ZNF396: variants seen among roughly 807,000 people sequenced by gnomAD.
The protein encoded by ZNF396 is zinc finger and SCAN domain-containing protein 14.
In ZNF396, 14 loss-of-function variants were observed where a neutral mutation model predicts 20.5. That is an observed-to-expected ratio of 0.68 (90% CI 0.45 to 1.07). The LOEUF (loss-of-function observed/expected upper bound fraction) is 1.07. Among genes scored for constraint, ZNF396 ranks in the 50% least tolerant of loss-of-function variants. The pLI is 0.00. For synonymous variants in ZNF396, 119 were observed against 140.6 expected (o/e 0.85, Z 1.08); for missense variants, 347 against 390.1 (o/e 0.89, Z 0.93).
chr18:35,373,495 G>A lies in ZNF396; in HGVS notation c.523C>T (p.Gln175Ter), dbSNP rs1271183142. 6.2e-7 allele frequency: 1 copy of A among 1,614,112 alleles called. No homozygotes were observed. Among genetic ancestry groups the A allele is most frequent in the Non-Finnish European group, 8.5e-7 (1 of 1,180,022 alleles). Residue 175 changes from glutamine to a stop codon, truncating the protein, a stop_gained, in exon 3 of 4, where the codon CAG (glutamine) becomes TAG (stop). Transcript: ENST00000589332. LOFTEE classifies it low-confidence loss of function (END_TRUNC). ...SQLMPVKKQLQGASWELQSLR... is the reference protein window; with the variant it reads ...SQLMPVKKQL ...GACTGAAGCTCCCATGATGCTCCCT[G>A]GAGCTGCTTCTTCACGGGCATGAGC...
At chr18:35,376,543 C>G (rs1018256929) in intron 1 of ZNF396, among the ~76,000 whole-genome samples, 4 of 152,154 alleles carry the variant, frequency 2.6e-5, no homozygotes, top group African/African-American at 9.7e-5. Context: ...GTGGTGACCC[C>G]TGCGCGTTGT....
chr18:35,369,423 A>G lies in ZNF396; in HGVS notation c.800T>C (p.Ile267Thr). ...GKIFSQSSAL[I>T]LHQRIHSGKK... ...TCCACTGTGGATTCTCTGATGTAAA[A>G]TAAGGGCTGAGCTCTGACTAAAGAT... The change falls in exon 4 of 4, where the codon ATT becomes ACT. Residue 267 changes from isoleucine to threonine, a missense_variant. Coordinates refer to ENST00000589332, the MANE Select transcript of ZNF396 (RefSeq NM_001322286.2). The G allele has an allele frequency of 6.2e-7, 1 of 1,614,248 alleles. No individual in the cohort carries two copies. The highest frequency in any genetic ancestry group is 8.5e-7 in the Non-Finnish European group (1 of 1,180,046).
At chr18:35,370,446 GC>G (rs2045158200) in intron 3 of ZNF396, among the ~76,000 whole-genome samples, 1 of 150,536 alleles carries the variant, frequency 6.6e-6, no homozygotes, top group Non-Finnish European at 1.5e-5. Context: ...ATGTGAAAAT[GC>G]CAGTGTAATG....
At chr18:35,376,959 C>T (rs981014414) in intron 1 of ZNF396, among the ~76,000 whole-genome samples, 6 of 152,096 alleles carry the variant, frequency 3.9e-5, no homozygotes, top group African/African-American at 2.4e-5. Flanking sequence ...TCCCGACCTC[C>T]CGCGCCCACC....
At chr18:35,373,229 C>G in intron 3 of ZNF396, 1 of 525,532 alleles carries the variant, frequency 1.9e-6, no homozygotes, top group Non-Finnish European at 3.1e-6. Context: ...AACCCTGATG[C>G]AGATGTCAGG....
Position 35,374,629 on chromosome 18 carries a change from TG to T in ZNF396, c.-72-266del, listed in dbSNP as rs1215664905. On this transcript the variant is annotated intron_variant, in intron 1 of 3. Coordinates refer to ENST00000589332, the MANE Select transcript of ZNF396 (RefSeq NM_001322286.2). The surrounding 1 kb of genome is among the most constrained non-coding windows in gnomAD (Gnocchi z 4.3). ...CTCATGCTTCAGCGTCCTAAGTAGC[TG>T]GGACTACAGGTACCCGCCACCACGC... 1 of 182,248 alleles carries T rather than the reference TG, an allele frequency of 5.5e-6. No homozygotes were observed. Among genetic ancestry groups the T allele is most frequent in the Non-Finnish European group, 1.2e-5 (1 of 84,784 alleles). 11.3% of individuals were successfully genotyped at this position (182,248 alleles called of 1,614,324 possible). A position where few individuals can be genotyped will look rare whatever the true frequency, so the allele number is the denominator to read the frequency against.
intron 2 of ZNF396, 81 bp from the exon 3 acceptor site, chr18:35,373,681 A>G (rs1463576846): frequency 1.3e-6 from 2 of 1,553,374 alleles, no homozygotes; most frequent in Non-Finnish European, 1.7e-6. Flanking sequence ...AAACTATGCA[A>G]AAAGTATCAT....
At chr18:35,376,054 T>C (rs2143918375) in intron 1 of ZNF396, 1 of 152,326 alleles carries the variant, frequency 6.6e-6, no homozygotes, top group East Asian at 1.9e-4. Flanking sequence ...AATCATATTT[T>C]TTAAATTGGG....
Position 35,368,482 on chromosome 18 carries a change from T to TTTTTTTTATTTATTTA in ZNF396, c.*732_*733insTAAATAAATAAAAAAA, listed in dbSNP as rs1555630344. 1.9e-4 allele frequency: 66 copies of TTTTTTTTATTTATTTA among 339,162 alleles called. No homozygotes were observed. Among genetic ancestry groups the TTTTTTTTATTTATTTA allele is most frequent in the East Asian group, 6.7e-4 (11 of 16,462 alleles). The allele number at this position is 339,162 out of a possible 1,614,324, so 21.0% of individuals were successfully genotyped here. A position where few individuals can be genotyped will look rare whatever the true frequency, so the allele number is the denominator to read the frequency against. On this transcript the variant is annotated 3_prime_UTR_variant, in exon 4 of 4. Coordinates refer to ENST00000589332, the MANE Select transcript of ZNF396 (RefSeq NM_001322286.2). ...AGACAAAATAGGAATTTATTTTTAT[T>TTTTTTTTATTTATTTA]TTTATTTATTTATTTATTTATTTAT...
intron 1 of ZNF396, among the ~76,000 whole-genome samples, chr18:35,375,066 G>A (rs2045238021): frequency 6.6e-6 from 1 of 152,040 alleles, no homozygotes; most frequent in South Asian, 2.1e-4. Flanking sequence ...AGTCTCATGA[G>A]GGAAGCACTT....
chr18:35,373,948 A>G lies in ZNF396; in HGVS notation c.345T>C (p.His115=), dbSNP rs745342325. Residue 115 remains histidine, a synonymous_variant, in exon 2 of 4, where the codon CAT becomes CAC. Transcript: ENST00000589332. ...PKELQAWVQK[H]HPENGEETVT... ...CAGTTTCCTCTCCATTCTCTGGATG[A>G]TGCTTCTGCACCCAGGCCTGAAGCT... is the stretch of plus-strand genomic sequence containing the variant. 1 of 1,614,190 alleles carries G rather than the reference A, an allele frequency of 6.2e-7. No homozygotes were observed. Among genetic ancestry groups the G allele is most frequent in the Non-Finnish European group, 8.5e-7 (1 of 1,180,028 alleles).
rs781422348 is a variant in ZNF396, at chr18:35,369,676, A to C, written c.563-16T>G. ...ATGTCTTCATCTGAAATGGAAAAAC[A>C]AATGTCACCAGGAAAGAGAAAGGAT... On this transcript the variant is annotated splice_polypyrimidine_tract_variant and intron_variant, in intron 3 of 3. Transcript: ENST00000589332. 5 of 1,574,144 alleles carry C rather than the reference A, an allele frequency of 3.2e-6. No homozygotes were observed. The highest frequency in any genetic ancestry group is 1.7e-6 in the Non-Finnish European group (2 of 1,165,270).
intron 3 of ZNF396, among the ~76,000 whole-genome samples, 163 bp from the exon 4 acceptor site, chr18:35,369,823 A>G (rs113504542): frequency 1.3e-5 from 2 of 152,266 alleles, no homozygotes; most frequent in Non-Finnish European, 1.5e-5. Context: ...AAAGGTTTAC[A>G]TACTGAGGAG....
rs756563804 is a variant in ZNF396, at chr18:35,374,417, T to C, written c.-72-53A>G. 19 of 936,698 alleles carry C rather than the reference T, an allele frequency of 2.0e-5. No homozygotes were observed. Among genetic ancestry groups the C allele is most frequent in the Non-Finnish European group, 3.0e-5 (19 of 636,294 alleles). The allele number at this position is 936,698 out of a possible 1,614,324, so 58.0% of individuals were successfully genotyped here. On this transcript the variant is annotated intron_variant, in intron 1 of 3. Transcript: ENST00000589332. The surrounding 1 kb of genome is among the most constrained non-coding windows in gnomAD (Gnocchi z 4.3). ...AAAGAAGACAAAAGACAAATGCTTCTTAGAACAAAACAACTAAGATTAGAA... is the reference window on the plus strand; with the variant it reads ...AAAGAAGACAAAAGACAAATGCTTCCTAGAACAAAACAACTAAGATTAGAA...
At position 35,373,492 on chromosome 18, in the gene ZNF396, C is replaced by A; in HGVS notation, c.526G>T (p.Gly176Ter). 6.2e-7 allele frequency: 1 copy of A among 1,614,086 alleles called. No individual in the cohort carries two copies. Among genetic ancestry groups the A allele is most frequent in the South Asian group, 1.1e-5 (1 of 91,066 alleles). ...QLMPVKKQLQ[G>*]ASWELQSLRP... ...AAGGACTGAAGCTCCCATGATGCTC[C>A]CTGGAGCTGCTTCTTCACGGGCATG... The change falls in exon 3 of 4, where the codon GGA becomes TGA. Residue 176 changes from glycine (G) to a stop codon, truncating the protein, a stop_gained. Transcript: ENST00000589332. LOFTEE classifies it low-confidence loss of function (END_TRUNC).
At position 35,369,612 on chromosome 18, in the gene ZNF396, G is replaced by A. The variant is rs2045145520; in HGVS notation, c.611C>T (p.Thr204Ile). 1.2e-6 allele frequency: 2 copies of A among 1,609,986 alleles called. No homozygotes were observed. The highest frequency in any genetic ancestry group is 2.7e-5 in the African/African-American group (2 of 74,584). ...GCAATGCAGTTCTATGCCTAAAGAA[G>A]TCTTTTGCCTTGAAGCAGATTTCAC... Reference protein sequence around the residue: ...TNVKSASRQKTSLGIELHCNV... With the variant: ...TNVKSASRQKISLGIELHCNV... The change falls in exon 4 of 4, where the codon ACT becomes ATT. Residue 204 changes from threonine to isoleucine, a missense_variant. Coordinates refer to ENST00000589332, the MANE Select transcript of ZNF396 (RefSeq NM_001322286.2).
At chr18:35,375,308 A>AAC (rs5823972) in intron 1 of ZNF396, among the ~76,000 whole-genome samples, 131,922 of 145,460 alleles carry the variant, frequency 0.91, 60,369 homozygotes, top group African/African-American at 0.93. Context: ...AAAAAAGAAA[A>AAC]AACAACAAAA....
intron 1 of ZNF396, among the ~76,000 whole-genome samples, chr18:35,377,006 G>T (rs1029652991): frequency 6.6e-6 from 1 of 152,114 alleles, no homozygotes; most frequent in East Asian, 1.9e-4. Flanking sequence ...GGGAACCGCC[G>T]GGGCGAAGCG....
intron 3 of ZNF396, among the ~76,000 whole-genome samples, chr18:35,370,979 G>A (rs1426574723): frequency 2.6e-5 from 4 of 152,162 alleles, no homozygotes; most frequent in Admixed American, 1.3e-4. Flanking sequence ...AAGATTAAAA[G>A]CAACCCAGAG....
Sources: gnomAD v4.1 joint callset for allele counts (sites outside exome capture counted in the v4.1 genomes callset) on GRCh38, gnomAD v4.1.1 for gene constraint, Gnocchi (gnomAD v3.1) non-coding constraint, MANE v1.5 for transcripts, NCBI Gene and HGNC (gene_info 2026-07-23, HGNC 2026-07-21) for gene names.